PKIB: variants seen among roughly 807,000 people sequenced by gnomAD.
The protein encoded by PKIB is cAMP-dependent protein kinase inhibitor beta, also known as PKI-beta.
A neutral mutation model predicts 4.5 loss-of-function variants in PKIB; 2 were observed. The observed-to-expected ratio is 0.44, with a 90% CI of 0.18 to 1.39. The LOEUF (loss-of-function observed/expected upper bound fraction) is 1.39, where lower values mean the gene tolerates loss of function less well. PKIB is among the 40% of genes most tolerant of loss of function. The pLI, the probability that PKIB is intolerant of heterozygous loss-of-function variation, is 0.27. For missense variants in PKIB, 94 were observed against 92.6 expected, an observed-to-expected ratio of 1.02 and a Z score of -0.06; for synonymous variants, 38 against 36.0, an observed-to-expected ratio of 1.06 and a Z score of -0.20.
chr6:122,552,985 A>G (rs1772724742), intron 2 of PKIB, among the ~76,000 whole-genome samples: 1 of 151,786 alleles, frequency 6.6e-6, no homozygotes, highest in Non-Finnish European at 1.5e-5. Context: ...ATTTTTTTTT[A>G]TTTCTTACTA....
chr6:122,571,531 A>G (rs1352756328), intron 2 of PKIB, among the ~76,000 whole-genome samples: 4 of 152,242 alleles, frequency 2.6e-5, no homozygotes, highest in African/African-American at 4.8e-5. Flanking sequence ...AAGAAAAACT[A>G]TCAGACTAAC....
At chr6:122,563,553 A>C (rs1423360593) in intron 2 of PKIB, among the ~76,000 whole-genome samples, 1 of 152,028 alleles carries the variant, frequency 6.6e-6, no homozygotes, top group Non-Finnish European at 1.5e-5. Flanking sequence ...GTCTTCTGCT[A>C]CCAGGGAGGG....
intron 2 of PKIB, among the ~76,000 whole-genome samples, chr6:122,511,266 C>G (rs962301325): frequency 6.6e-6 from 1 of 152,098 alleles, no homozygotes; most frequent in African/African-American, 2.4e-5. Flanking sequence ...TTTTTGGAAC[C>G]AAGCACAAAA....
intron 2 of PKIB, among the ~76,000 whole-genome samples, chr6:122,542,494 A>AGCGGTGGCTATAGAACT (rs1347705044): frequency 2.0e-5 from 3 of 152,074 alleles, no homozygotes; most frequent in African/African-American, 7.3e-5. Flanking sequence ...GCTGCAGAAC[A>AGCGGTGGCTATAGAACT]GCGGTGGCTA....
intron 2 of PKIB, among the ~76,000 whole-genome samples, chr6:122,531,777 A>G (rs1241183787): frequency 6.6e-6 from 1 of 152,238 alleles, no homozygotes; most frequent in Non-Finnish European, 1.5e-5. Flanking sequence ...TCTTTCAAAT[A>G]CTAGACTGTG....
At chr6:122,502,956 A>G (rs1024141691) in intron 2 of PKIB, among the ~76,000 whole-genome samples, 1 of 152,156 alleles carries the variant, frequency 6.6e-6, no homozygotes, top group East Asian at 1.9e-4. Flanking sequence ...TTTATTTCTC[A>G]CAGTTCTGGA....
chr6:122,675,813 T>A (rs1346879), intron 3 of PKIB, among the ~76,000 whole-genome samples: 47,824 of 151,960 alleles, frequency 0.31, 8,212 homozygotes, highest in East Asian at 0.52. Flanking sequence ...ATTATGTTTT[T>A]TTCCCTGAAA....
At chr6:122,572,809 A>G (rs1469271407) in intron 2 of PKIB, among the ~76,000 whole-genome samples, 1 of 152,172 alleles carries the variant, frequency 6.6e-6, no homozygotes, top group Non-Finnish European at 1.5e-5. Flanking sequence ...GATACTACAG[A>G]AATAAAAAAA....
chr6:122,673,626 T>C (rs1777551021), intron 2 of PKIB, among the ~76,000 whole-genome samples: 1 of 152,160 alleles, frequency 6.6e-6, no homozygotes, highest in African/African-American at 2.4e-5. Context: ...CTTTTAATTT[T>C]AAAATTCTTC....
chr6:122,712,468 T>G (rs1394198265), intron 3 of PKIB, among the ~76,000 whole-genome samples: 1 of 152,154 alleles, frequency 6.6e-6, no homozygotes, highest in African/African-American at 2.4e-5. Flanking sequence ...CATAAGGGAT[T>G]AGGATACTGA....
intron 1 of PKIB, among the ~76,000 whole-genome samples, chr6:122,611,451 T>C (rs1252225941): frequency 2.0e-5 from 3 of 152,152 alleles, no homozygotes; most frequent in African/African-American, 7.2e-5. Flanking sequence ...GGTAGTGTTA[T>C]TAGCTGGAGT....
chr6:122,562,389 T>G (rs1773062786), intron 2 of PKIB, among the ~76,000 whole-genome samples: 1 of 152,162 alleles, frequency 6.6e-6, no homozygotes, highest in Admixed American at 6.5e-5. Context: ...CTGTTAAGAT[T>G]TTTTCCTTCG....
At chr6:122,702,129 A>G (rs1008657030) in intron 3 of PKIB, among the ~76,000 whole-genome samples, 6 of 152,054 alleles carry the variant, frequency 3.9e-5, no homozygotes, top group African/African-American at 7.2e-5. Flanking sequence ...TCTCTTAATA[A>G]CTTATGAACG....
chr6:122,605,666 G>A (rs956230182), upstream of PKIB, among the ~76,000 whole-genome samples: 1 of 152,002 alleles, frequency 6.6e-6, no homozygotes, highest in African/African-American at 2.4e-5. Context: ...GAGAGTGGGC[G>A]AATCCTCCCC....
rs1554222348 is a variant in PKIB, at chr6:122,591,220, C to CACACA, written c.-161+5213_-161+5214insACACA. On this transcript the variant is annotated intron_variant, in intron 3 of 6. Transcript: ENST00000392491. ...GACACACACACACACACACACACAC[C>CACACA]CCCCACATACACACACGTTTTCCCA... Among the ~76,000 whole-genome samples, 1,210 of 142,794 alleles carry CACACA rather than the reference C, an allele frequency of 8.5e-3. 16 individuals are homozygous for CACACA. The highest frequency in any genetic ancestry group is 0.026 in the African/African-American group (988 of 38,186). 93.7% of individuals were successfully genotyped at this position (142,794 alleles called of 152,430 possible).
At chr6:122,573,138 C>T (rs897811371) in intron 2 of PKIB, among the ~76,000 whole-genome samples, 4 of 152,090 alleles carry the variant, frequency 2.6e-5, no homozygotes, top group African/African-American at 9.7e-5. Context: ...AACACTAATA[C>T]CAAAACCAGG....
At chr6:122,592,341 T>C (rs1774043210) in intron 3 of PKIB, among the ~76,000 whole-genome samples, 1 of 152,212 alleles carries the variant, frequency 6.6e-6, no homozygotes, top group Non-Finnish European at 1.5e-5. Context: ...TCTATTATTA[T>C]GACTGGTTTT....
At chr6:122,566,196 A>ACCCTT (rs1773186770) in intron 2 of PKIB, among the ~76,000 whole-genome samples, 1 of 152,164 alleles carries the variant, frequency 6.6e-6, no homozygotes, top group African/African-American at 2.4e-5. Flanking sequence ...AAAGAAATAA[A>ACCCTT]AAAAGAAGTT....
intron 2 of PKIB, among the ~76,000 whole-genome samples, chr6:122,508,735 A>G (rs1025836147): frequency 3.3e-5 from 5 of 152,240 alleles, no homozygotes; most frequent in East Asian, 1.9e-4. Flanking sequence ...ATTTGAAACA[A>G]TATTAACTGG....
Sources: allele counts gnomAD v4.1 joint callset (sites outside exome capture counted in the v4.1 genomes callset), GRCh38; gene constraint gnomAD v4.1.1; transcripts MANE v1.5; gene names NCBI Gene and HGNC (gene_info 2026-07-23, HGNC 2026-07-21).